MAP3K7: variants seen among roughly 807,000 people sequenced by gnomAD.
MAP3K7 encodes the protein mitogen-activated protein kinase kinase kinase 7.
A neutral mutation model predicts 84.8 loss-of-function variants in MAP3K7; 21 were observed. The observed-to-expected ratio is 0.25, with a 90% CI of 0.18 to 0.36. The LOEUF (loss-of-function observed/expected upper bound fraction) is 0.36. Among genes scored for constraint, MAP3K7 ranks in the 10% least tolerant of loss-of-function variants. MAP3K7 has a pLI of 1.00. For missense variants in MAP3K7, 503 were observed against 747.7 expected, an observed-to-expected ratio of 0.67 and a Z score of 3.82; for synonymous variants, 241 against 247.7, an observed-to-expected ratio of 0.97 and a Z score of 0.25.
chr6:90,568,156 A>G (rs1776774333), intron 3 of MAP3K7, among the ~76,000 whole-genome samples: 1 of 152,258 alleles, frequency 6.6e-6, no homozygotes, highest in Admixed American at 6.5e-5. Flanking sequence ...TGGCAAATGT[A>G]TACATACGTA....
At chr6:90,562,875 C>G (rs181020887) in intron 3 of MAP3K7, among the ~76,000 whole-genome samples, 60 of 152,272 alleles carry the variant, frequency 3.9e-4, no homozygotes, top group African/African-American at 6.7e-4. Flanking sequence ...TGAGACGAAG[C>G]TTCCAGAGGA....
chr6:90,546,594 C>T (rs1776008624), intron 11 of MAP3K7, among the ~76,000 whole-genome samples: 1 of 152,046 alleles, frequency 6.6e-6, no homozygotes, highest in African/African-American at 2.4e-5. Flanking sequence ...TAAAATGAAA[C>T]CTGGTCACAG....
chr6:90,550,436 C>T, intron 9 of MAP3K7, 32 bp downstream of exon 9: 1 of 1,398,520 alleles, frequency 7.2e-7, no homozygotes, highest in Non-Finnish European at 1.0e-6. Flanking sequence ...AAAGAAAAAT[C>T]AAGTCAATAC....
chr6:90,563,562 G>C (rs1208935738), intron 3 of MAP3K7, among the ~76,000 whole-genome samples: 1 of 152,098 alleles, frequency 6.6e-6, no homozygotes, highest in East Asian at 1.9e-4. Context: ...AAGAAATATG[G>C]GACTATGTGA....
chr6:90,551,068 G>A (rs1458570726), intron 8 of MAP3K7: 1 of 152,564 alleles, frequency 6.6e-6, no homozygotes, highest in African/African-American at 2.4e-5. Context: ...AAGGAACAGA[G>A]AAGCAAAATT....
At chr6:90,538,655 G>A (rs773347352) in intron 12 of MAP3K7, among the ~76,000 whole-genome samples, 4 of 151,670 alleles carry the variant, frequency 2.6e-5, no homozygotes, top group African/African-American at 7.3e-5. Context: ...CCTGCCCACC[G>A]CAAATAGAAA....
At chr6:90,562,140 GTC>G (rs1159386762) in intron 3 of MAP3K7, among the ~76,000 whole-genome samples, 3 of 152,368 alleles carry the variant, frequency 2.0e-5, no homozygotes, top group Admixed American at 1.3e-4. Context: ...AAAAGCTCCA[GTC>G]TACAGCTACC....
chr6:90,529,168 C>T (rs932315274), intron 13 of MAP3K7, among the ~76,000 whole-genome samples: 5 of 152,202 alleles, frequency 3.3e-5, no homozygotes, highest in African/African-American at 1.2e-4. Context: ...GCATTCATGA[C>T]TCTCCATCAG....
Position 90,518,430 on chromosome 6 carries a change from C to A in MAP3K7, c.1640+17G>T. 1 of 1,258,394 alleles carries A rather than the reference C, an allele frequency of 7.9e-7. No homozygotes were observed. Among genetic ancestry groups the A allele is most frequent in the South Asian group, 1.3e-5 (1 of 76,668 alleles). 78.0% of individuals were successfully genotyped at this position (1,258,394 alleles called of 1,614,324 possible). On this transcript the variant is annotated intron_variant, in intron 16 of 16. Transcript: ENST00000369329. Reference sequence around the variant, plus strand: ...ATACTAATGTATTTTTATTTTTATTCATAAAAAATAACTTACTTTCTCTGT... The same window carrying A: ...ATACTAATGTATTTTTATTTTTATTAATAAAAAATAACTTACTTTCTCTGT...
rs766195114 is a variant in MAP3K7 at position 90,516,461 on chromosome 6, T to C, written c.*40A>G. ...GGTTTTCCTTTCCTTAAAAAAAAAGTCTTTCTTTGCATATTTCAAAATGTA... is the reference window on the plus strand; with the variant it reads ...GGTTTTCCTTTCCTTAAAAAAAAAGCCTTTCTTTGCATATTTCAAAATGTA... On this transcript the variant is annotated 3_prime_UTR_variant, in exon 17 of 17. Coordinates refer to ENST00000369329, the MANE Select transcript of MAP3K7 (RefSeq NM_145331.3). 2.5e-6 allele frequency: 4 copies of C among 1,582,694 alleles called. No individual in the cohort carries two copies. Among genetic ancestry groups the C allele is most frequent in the Admixed American group, 1.9e-5 (1 of 51,878 alleles).
intron 3 of MAP3K7, among the ~76,000 whole-genome samples, chr6:90,563,284 G>A (rs752217140): frequency 1.6e-4 from 25 of 152,188 alleles, no homozygotes; most frequent in Non-Finnish European, 2.8e-4. Context: ...CCAAGCGAAA[G>A]GAGGATGTTT....
intron 2 of MAP3K7, 40 bp downstream of exon 2, chr6:90,571,657 A>C (rs1287038220): frequency 8.4e-7 from 1 of 1,188,298 alleles, no homozygotes; most frequent in Non-Finnish European, 1.2e-6. Context: ...AGAGTATCTT[A>C]AGTGCAGAAC....
chr6:90,538,516 T>C (rs1775749188), intron 12 of MAP3K7, among the ~76,000 whole-genome samples: 1 of 151,946 alleles, frequency 6.6e-6, no homozygotes, highest in Admixed American at 6.6e-5. Context: ...AACCTGCATA[T>C]GCTATCCTGA....
At chr6:90,542,543 A>G in intron 12 of MAP3K7, 1 of 940,920 alleles carries the variant, frequency 1.1e-6, no homozygotes, top group Non-Finnish European at 1.3e-6. Context: ...AGAGAAAGCA[A>G]GAAGAAATTA....
chr6:90,562,826 T>G (rs1047975175), intron 3 of MAP3K7, among the ~76,000 whole-genome samples: 1 of 152,128 alleles, frequency 6.6e-6, no homozygotes, highest in African/African-American at 2.4e-5. Context: ...CACCTTCCAG[T>G]AGGGGCAGAT....
rs536680722 is a variant in MAP3K7, at chr6:90,582,937, C to T, written c.120+3827G>A. Among the ~76,000 whole-genome samples the T allele has an allele frequency of 2.0e-3, 277 of 140,382 alleles. 6 individuals are homozygous for T. Among genetic ancestry groups the T allele is most frequent in the East Asian group, 2.9e-3 (14 of 4,804 alleles). The allele number at this position is 140,382 out of a possible 152,430, so 92.1% of individuals were successfully genotyped here. A position where few individuals can be genotyped will look rare whatever the true frequency, so the allele number is the denominator to read the frequency against. On this transcript the variant is annotated intron_variant, in intron 1 of 16. Coordinates refer to ENST00000369329, the MANE Select transcript of MAP3K7 (RefSeq NM_145331.3). Reference sequence around the variant, plus strand: ...TCCCTCTGTTGTCCAGGCTAGGGTGCGGTGGCATGATCTCAGCTCACTGCA... The same window carrying T: ...TCCCTCTGTTGTCCAGGCTAGGGTGTGGTGGCATGATCTCAGCTCACTGCA...
chr6:90,547,162 A>G lies in MAP3K7; in HGVS notation c.1210+96T>C, dbSNP rs1776027327. On this transcript the variant is annotated intron_variant, in intron 11 of 16. Coordinates refer to ENST00000369329, the MANE Select transcript of MAP3K7 (RefSeq NM_145331.3). ...ACCTACTTCCTATTTAAAAAAAAAT[A>G]TAAGACACACACAAAAAACCTTTGA... 4 of 1,377,938 alleles carry G rather than the reference A, an allele frequency of 2.9e-6. No individual in the cohort carries two copies. The East Asian group carries it at 9.5e-5, about 33-fold the overall frequency. The allele number at this position is 1,377,938 out of a possible 1,614,324, so 85.4% of individuals were successfully genotyped here.
intron 9 of MAP3K7, among the ~76,000 whole-genome samples, chr6:90,548,765 C>T (rs1776086347): frequency 6.9e-6 from 1 of 145,960 alleles, no homozygotes; most frequent in Non-Finnish European, 1.5e-5. Context: ...GAACAGACGG[C>T]CAGAGATGTA....
intron 3 of MAP3K7, among the ~76,000 whole-genome samples, chr6:90,564,450 A>G (rs556017949): frequency 6.6e-6 from 1 of 152,318 alleles, no homozygotes; most frequent in East Asian, 1.9e-4. Flanking sequence ...CTTTAAACCA[A>G]CAAAGATCAA....
Sources: gnomAD v4.1 joint callset for allele counts (sites outside exome capture counted in the v4.1 genomes callset) on GRCh38, gnomAD v4.1.1 for gene constraint, MANE v1.5 for transcripts, NCBI Gene and HGNC (gene_info 2026-07-23, HGNC 2026-07-21) for gene names.